ACER3: variants seen among roughly 807,000 people sequenced by gnomAD.
The protein encoded by ACER3 is alkaline ceramidase 3.
In ACER3, 16 loss-of-function variants were observed where a neutral mutation model predicts 48.9. That is an observed-to-expected ratio of 0.33 (90% CI 0.22 to 0.50). The LOEUF (loss-of-function observed/expected upper bound fraction) is 0.50, where lower values mean the gene tolerates loss of function less well. Among genes scored for constraint, ACER3 ranks in the 20% least tolerant of loss-of-function variants. The probability of loss-of-function intolerance (pLI) is 0.98; values close to 1 mark genes in which losing one functional copy is unlikely to be tolerated. For missense variants in ACER3, 227 were observed against 326.0 expected (o/e 0.70, Z 2.34); for synonymous variants, 109 against 107.8 (o/e 1.01, Z -0.07).
At position 77,025,011 on chromosome 11, in the gene ACER3, G is replaced by A. The variant is rs1180001605; in HGVS notation, c.*4684G>A. 6.6e-6 allele frequency: 1 copy of A among 152,118 alleles called. No individual in the cohort carries two copies. Among genetic ancestry groups the A allele is most frequent in the East Asian group, 1.9e-4 (1 of 5,196 alleles). 9.4% of individuals were successfully genotyped at this position (152,118 alleles called of 1,614,324 possible). A position where few individuals can be genotyped will look rare whatever the true frequency, so the allele number is the denominator to read the frequency against. On this transcript the variant is annotated 3_prime_UTR_variant, in exon 11 of 11. Coordinates refer to ENST00000532485, the MANE Select transcript of ACER3 (RefSeq NM_018367.7). ...TTCCTTTTCAACCCTTACAAGACCT[G>A]CTTCATTGCTTTAAAAATGTAGTGT...
intron 4 of ACER3, among the ~76,000 whole-genome samples, chr11:76,980,077 G>T (rs1241224812): frequency 1.3e-5 from 2 of 152,016 alleles, no homozygotes. Context: ...GGTTGAGGCT[G>T]CAGTGAACCA....
chr11:76,863,270 GT>G (rs1331058649), intron 1 of ACER3, among the ~76,000 whole-genome samples: 1 of 152,130 alleles, frequency 6.6e-6, no homozygotes, highest in African/African-American at 2.4e-5. Flanking sequence ...CTGGCGGTAA[GT>G]CATGTGGACT....
Position 76,982,582 on chromosome 11 carries a change from G to C in ACER3, c.321-3061G>C, listed in dbSNP as rs908627805. ...AATTCTTTATCTATTTTGGGTTCAA[G>C]TCCTGTCAGATATTTGTATTTTAAA... On this transcript the variant is annotated intron_variant, in intron 4 of 10. Coordinates refer to ENST00000532485, the MANE Select transcript of ACER3 (RefSeq NM_018367.7). Among the ~76,000 whole-genome samples the C allele has an allele frequency of 4.6e-5, 7 of 152,036 alleles. 1 individual carries two copies. Among genetic ancestry groups the C allele is most frequent in the Admixed American group, 2.6e-4 (4 of 15,278 alleles).
intron 2 of ACER3, among the ~76,000 whole-genome samples, chr11:76,945,782 T>C (rs1947456605): frequency 6.6e-6 from 1 of 152,150 alleles, no homozygotes; most frequent in Admixed American, 6.5e-5. Flanking sequence ...ATATGGGTAA[T>C]GGCAATAGTG....
intron 2 of ACER3, among the ~76,000 whole-genome samples, chr11:76,943,726 G>A (rs900822861): frequency 7.3e-6 from 1 of 137,568 alleles, no homozygotes; most frequent in South Asian, 2.4e-4. Flanking sequence ...GATCTATCTA[G>A]TGCGGTCAGT....
At chr11:76,924,525 A>G (rs2134800071) in intron 1 of ACER3, among the ~76,000 whole-genome samples, 1 of 151,490 alleles carries the variant, frequency 6.6e-6, no homozygotes, top group East Asian at 1.9e-4. Flanking sequence ...TTTTATTATT[A>G]TTAATTTGGC....
chr11:76,927,674 T>A (rs1277311898), intron 2 of ACER3, among the ~76,000 whole-genome samples: 4 of 152,206 alleles, frequency 2.6e-5, no homozygotes, highest in South Asian at 2.1e-4. Flanking sequence ...GTGTTCTCAT[T>A]GTTCAATTCC....
At chr11:76,968,293 G>A (rs1948192677) in intron 3 of ACER3, among the ~76,000 whole-genome samples, 3 of 151,208 alleles carry the variant, frequency 2.0e-5, no homozygotes, top group South Asian at 4.2e-4. Flanking sequence ...AAATAAAAGA[G>A]GATACAAACA....
chr11:77,020,433 A>G lies in ACER3; in HGVS notation c.*106A>G. On this transcript the variant is annotated 3_prime_UTR_variant, in exon 11 of 11. Transcript: ENST00000532485. Reference sequence around the variant, plus strand: ...AGTTCAAATATGTCATGACCATCACAGCAGAGGAGTGACTTTCTGACTAAT... The same window carrying G: ...AGTTCAAATATGTCATGACCATCACGGCAGAGGAGTGACTTTCTGACTAAT... The G allele has an allele frequency of 7.7e-7, 1 of 1,302,496 alleles. No homozygotes were observed. Among genetic ancestry groups the G allele is most frequent in the Non-Finnish European group, 1.1e-6 (1 of 933,278 alleles). 80.7% of individuals were successfully genotyped at this position (1,302,496 alleles called of 1,614,324 possible). A position where few individuals can be genotyped will look rare whatever the true frequency, so the allele number is the denominator to read the frequency against.
chr11:76,955,741 C>T (rs1015014672), intron 2 of ACER3, among the ~76,000 whole-genome samples: 2 of 152,180 alleles, frequency 1.3e-5, no homozygotes, highest in African/African-American at 2.4e-5. Context: ...AGAGCTTCAA[C>T]ATATGAACTG....
rs1949490990 is a variant in ACER3, at chr11:77,022,792, T to C, written c.*2465T>C. On this transcript the variant is annotated 3_prime_UTR_variant, in exon 11 of 11. Transcript: ENST00000532485. ...TCACCTAATGTGAAAAGTGCTCATC[T>C]GTGAACTCTACAGCAAATTATATTT... is the stretch of plus-strand genomic sequence containing the variant. 4.7e-6 allele frequency: 1 copy of C among 214,814 alleles called. No individual in the cohort carries two copies. The highest frequency in any genetic ancestry group is 2.3e-5 in the African/African-American group (1 of 43,894). 13.3% of individuals were successfully genotyped at this position (214,814 alleles called of 1,614,324 possible). A position where few individuals can be genotyped will look rare whatever the true frequency, so the allele number is the denominator to read the frequency against.
chr11:76,980,018 A>G (rs1948548274), intron 4 of ACER3, among the ~76,000 whole-genome samples: 1 of 151,888 alleles, frequency 6.6e-6, no homozygotes. Flanking sequence ...CATGCCTGTA[A>G]TTTCAGCTAC....
chr11:76,931,412 T>C (rs1263812254), intron 2 of ACER3, among the ~76,000 whole-genome samples: 6 of 150,990 alleles, frequency 4.0e-5, no homozygotes, highest in African/African-American at 7.3e-5. Context: ...GTCTTGACTC[T>C]TTATCCAATT....
intron 2 of ACER3, among the ~76,000 whole-genome samples, chr11:76,944,655 T>C (rs144252453): frequency 1.6e-4 from 24 of 152,284 alleles, no homozygotes; most frequent in African/African-American, 5.5e-4. Context: ...ACTTTGACTT[T>C]TGACATTCTG....
At chr11:76,965,591 C>G (rs1037390620) in intron 3 of ACER3, among the ~76,000 whole-genome samples, 5 of 151,340 alleles carry the variant, frequency 3.3e-5, no homozygotes, top group Non-Finnish European at 7.4e-5. Flanking sequence ...GGAAGCCCAT[C>G]AGACTAACAG....
At chr11:77,018,340 C>T (rs545776044) in intron 9 of ACER3, among the ~76,000 whole-genome samples, 1 of 152,200 alleles carries the variant, frequency 6.6e-6, no homozygotes, top group Non-Finnish European at 1.5e-5. Flanking sequence ...GTTTTGACTG[C>T]TCCACCAATT....
At chr11:76,936,033 A>G (rs1256794280) in intron 2 of ACER3, among the ~76,000 whole-genome samples, 2 of 152,218 alleles carry the variant, frequency 1.3e-5, no homozygotes, top group Non-Finnish European at 2.9e-5. Context: ...GTTTGTTTTC[A>G]TGCTGCTGAT....
Position 76,976,336 on chromosome 11 carries a change from C to T in ACER3, c.315C>T (p.Tyr105=). The T allele has an allele frequency of 2.5e-6, 4 of 1,594,630 alleles. No individual in the cohort carries two copies. The highest frequency in any genetic ancestry group is 3.4e-6 in the Non-Finnish European group (4 of 1,167,358). The part of the protein sequence containing the change: ...PMIYSCCIFV[Y]CMFECFKIKN... ...TATACAGCTGTTGCATATTTGTGTA[C>T]TGCATGTAAGTACTTTTAAAATTTC... Residue 105 remains tyrosine (Y), a synonymous_variant, in exon 4 of 11, where the codon TAC becomes TAT. Transcript: ENST00000532485.
intron 9 of ACER3, among the ~76,000 whole-genome samples, chr11:77,018,480 A>T (rs1949414066): frequency 6.6e-6 from 1 of 152,252 alleles, no homozygotes; most frequent in African/African-American, 2.4e-5. Context: ...AGAGTTACAC[A>T]TCTCTCACTT....
Sources: gnomAD v4.1 joint callset for allele counts (sites outside exome capture counted in the v4.1 genomes callset) on GRCh38, gnomAD v4.1.1 for gene constraint, MANE v1.5 for transcripts, NCBI Gene and HGNC (gene_info 2026-07-23, HGNC 2026-07-21) for gene names.